FAM184B: variants seen among roughly 807,000 people sequenced by gnomAD.
FAM184B encodes the protein family with sequence similarity 184 member B, also known as protein FAM184B.
Under a neutral mutation model 135.9 loss-of-function variants are expected in FAM184B, and 111 were observed. The ratio of observed to expected loss-of-function variants is 0.82; its 90% CI spans 0.70 to 0.96. The LOEUF is 0.96. Ranked by LOEUF, FAM184B falls within the 40% of genes least tolerant of loss-of-function variation. The probability of loss-of-function intolerance (pLI) is 0.00; values close to 1 mark genes in which losing one functional copy is unlikely to be tolerated. For synonymous variants in FAM184B, 552 were observed against 524.8 expected (o/e 1.05, Z -0.71); for missense variants, 1,375 against 1,323.9 (o/e 1.04, Z -0.60).
At chr4:17,691,706 A>AG (rs1469829502) in intron 6 of FAM184B, among the ~76,000 whole-genome samples, 1 of 150,402 alleles carries the variant, frequency 6.6e-6, no homozygotes, top group Non-Finnish European at 1.5e-5. Context: ...AAAAAAAGAA[A>AG]GGAAAAAAAA....
In FAM184B at chr4:17,709,627, G is replaced by A. The variant is rs1489672815; in HGVS notation, c.159C>T (p.Asn53=). ...TGGCCTCAGCCTCATCCTGGCGGGT[G>A]TTCAGGGCATAAATCACCTGCAGGA... ...AQLTKVIYAL[N]TRQDEAEASM... Residue 53 remains asparagine, a synonymous_variant, in exon 2 of 18, where the codon AAC becomes AAT. Transcript: ENST00000265018. 6.6e-7 allele frequency: 1 copy of A among 1,513,580 alleles called. No individual in the cohort carries two copies. The highest frequency in any genetic ancestry group is 1.3e-5 in the South Asian group (1 of 77,604). 93.8% of individuals were successfully genotyped at this position (1,513,580 alleles called of 1,614,324 possible).
rs536344771 is a variant in FAM184B, at chr4:17,712,258, C to A, written c.142-2614G>T. Among the ~76,000 whole-genome samples, 12 of 152,254 alleles carry A rather than the reference C, an allele frequency of 7.9e-5. 1 individual carries two copies. In the South Asian group the frequency reaches 2.3e-3, roughly 29 times the overall value. ...TGACAAGGCCAAGTGGCAAAGGGAG[C>A]ATGTGACTGAGGCCAAGTAGAGGAA... On this transcript the variant is annotated intron_variant, in intron 1 of 17. Coordinates refer to ENST00000265018, the MANE Select transcript of FAM184B (RefSeq NM_015688.2).
At chr4:17,747,668 T>C (rs972783090) in intron 1 of FAM184B, among the ~76,000 whole-genome samples, 1 of 151,962 alleles carries the variant, frequency 6.6e-6, no homozygotes, top group Non-Finnish European at 1.5e-5. Flanking sequence ...ACGCCTGTAA[T>C]CCCAGCACTT....
intron 1 of FAM184B, among the ~76,000 whole-genome samples, chr4:17,720,595 A>G (rs1717498208): frequency 6.6e-6 from 1 of 152,186 alleles, no homozygotes; most frequent in Non-Finnish European, 1.5e-5. Context: ...TTCTCAAAAA[A>G]TTAAACATAG....
chr4:17,712,476 C>A (rs1185120770), intron 1 of FAM184B, among the ~76,000 whole-genome samples: 1 of 152,224 alleles, frequency 6.6e-6, no homozygotes, highest in Non-Finnish European at 1.5e-5. Context: ...CTCCCCATCA[C>A]ACCCTTTCAC....
chr4:17,671,745 A>G (rs185877550), intron 7 of FAM184B, among the ~76,000 whole-genome samples: 1 of 152,212 alleles, frequency 6.6e-6, no homozygotes, highest in Admixed American at 6.5e-5. Flanking sequence ...ACCAAGATAA[A>G]GAGAATAATG....
Position 17,705,883 on chromosome 4 carries a change from T to C in FAM184B, c.1039A>G (p.Lys347Glu), listed in dbSNP as rs943602842. The change falls in exon 4 of 18, where the codon AAG becomes GAG. Residue 347 changes from lysine (K) to glutamate (E), a missense_variant. Transcript: ENST00000265018. ...TTGTTCTCTGAAACTAACTCAGTCT[T>C]CATGGCATCTGCAAGCATACATTTC... Reference protein sequence around the residue: ...CRGTQQTDAMKTELVSENKVL... With the variant: ...CRGTQQTDAMETELVSENKVL... 6.4e-7 allele frequency: 1 copy of C among 1,552,294 alleles called. No homozygotes were observed. Among genetic ancestry groups the C allele is most frequent in the African/African-American group, 1.4e-5 (1 of 73,186 alleles).
rs141343435 is a variant in FAM184B at position 17,656,001 on chromosome 4, A to T, written c.2037+2349T>A. 1.9e-4 allele frequency among the ~76,000 whole-genome samples: 29 copies of T among 152,302 alleles called. No homozygotes were observed. In the East Asian group the frequency reaches 4.1e-3, roughly 21 times the overall value. On this transcript the variant is annotated intron_variant, in intron 10 of 17. Coordinates refer to ENST00000265018, the MANE Select transcript of FAM184B (RefSeq NM_015688.2). Reference sequence around the variant, plus strand: ...TTGTAAATGGCAGATCCAGGACTTGAACCCAGGCAGCCCATTCCTACTCGC... The same window carrying T: ...TTGTAAATGGCAGATCCAGGACTTGTACCCAGGCAGCCCATTCCTACTCGC...
At chr4:17,638,393 A>G (rs1019575926) in intron 14 of FAM184B, among the ~76,000 whole-genome samples, 14 of 151,624 alleles carry the variant, frequency 9.2e-5, no homozygotes, top group Non-Finnish European at 1.8e-4. Flanking sequence ...GAGTTTCACA[A>G]TGTTGCCCAG....
chr4:17,709,400 G>C lies in FAM184B; in HGVS notation c.386C>G (p.Thr129Arg). ...CTCCACCCTCAGCTCTCTCTCCTTC[G>C]TCTCCAGCCTGCACGAGGCCGACTC... ...LAESASCRLE[T>R]KERELRVEAE... The change falls in exon 2 of 18, where the codon ACG becomes AGG. Residue 129 changes from threonine to arginine, a missense_variant. Coordinates refer to ENST00000265018, the MANE Select transcript of FAM184B (RefSeq NM_015688.2). 1.3e-6 allele frequency: 2 copies of C among 1,520,412 alleles called. No individual in the cohort carries two copies. Among genetic ancestry groups the C allele is most frequent in the Non-Finnish European group, 1.8e-6 (2 of 1,129,026 alleles). 94.2% of individuals were successfully genotyped at this position (1,520,412 alleles called of 1,614,324 possible). A position where few individuals can be genotyped will look rare whatever the true frequency, so the allele number is the denominator to read the frequency against.
At chr4:17,680,727 AC>A (rs1235565159) in intron 7 of FAM184B, among the ~76,000 whole-genome samples, 19 of 152,126 alleles carry the variant, frequency 1.2e-4, no homozygotes, top group African/African-American at 4.6e-4. Context: ...TCCTTTCCAA[AC>A]CATCTACTGC....
intron 11 of FAM184B, among the ~76,000 whole-genome samples, chr4:17,649,625 A>T (rs947220031): frequency 6.6e-6 from 1 of 151,908 alleles, no homozygotes; most frequent in Non-Finnish European, 1.5e-5. Context: ...TTTCCAGCAG[A>T]ATTTTGATAA....
At chr4:17,660,381 A>G (rs1715888936) in intron 8 of FAM184B, among the ~76,000 whole-genome samples, 2 of 152,188 alleles carry the variant, frequency 1.3e-5, no homozygotes, top group Admixed American at 1.3e-4. Flanking sequence ...ATGATGATCA[A>G]CTGTCAGAAT....
intron 16 of FAM184B, 149 bp downstream of exon 16, chr4:17,634,860 C>T: frequency 1.9e-6 from 1 of 527,574 alleles, no homozygotes; most frequent in Non-Finnish European, 3.3e-6. Flanking sequence ...CATAATCCGC[C>T]CAGCCATAGA....
At chr4:17,737,033 TACTCGGGAAGCTGAGGCAGGAG>T (rs1717925369) in intron 1 of FAM184B, among the ~76,000 whole-genome samples, 1 of 152,020 alleles carries the variant, frequency 6.6e-6, no homozygotes, top group South Asian at 2.1e-4. Context: ...TAATCCCAGC[TACTCGGGAAGCTGAGGCAGGAG>T]ACTCACTTAA....
intron 13 of FAM184B, 110 bp downstream of exon 13, chr4:17,641,946 G>A: frequency 1.4e-6 from 2 of 1,404,556 alleles, no homozygotes; most frequent in Non-Finnish European, 1.9e-6. Flanking sequence ...AGGATGCCGA[G>A]GCAGTGACCC....
At chr4:17,754,331 C>G (rs1393519114) in intron 1 of FAM184B, among the ~76,000 whole-genome samples, 1 of 152,064 alleles carries the variant, frequency 6.6e-6, no homozygotes, top group Non-Finnish European at 1.5e-5. Flanking sequence ...GCAGGTAGAT[C>G]ACCTGAGTTC....
intron 12 of FAM184B, among the ~76,000 whole-genome samples, chr4:17,642,520 G>A (rs1424397490): frequency 6.6e-6 from 1 of 152,178 alleles, no homozygotes; most frequent in Non-Finnish European, 1.5e-5. Context: ...CTGCCAGGGT[G>A]CCCTCCATGC....
chr4:17,702,776 G>A (rs891404287), intron 5 of FAM184B, among the ~76,000 whole-genome samples: 10 of 152,226 alleles, frequency 6.6e-5, no homozygotes, highest in African/African-American at 2.2e-4. Context: ...TTCAGGGTCA[G>A]GTGTGGCTGA....
Sources: gnomAD v4.1 joint callset for allele counts (sites outside exome capture counted in the v4.1 genomes callset) on GRCh38, gnomAD v4.1.1 for gene constraint, MANE v1.5 for transcripts, NCBI Gene and HGNC (gene_info 2026-07-23, HGNC 2026-07-21) for gene names.